The following CYP3A7 variants were observed in gnomAD, a reference collection of about 807,000 sequenced individuals.
CYP3A7 encodes the protein cytochrome P450 3A7.
A neutral mutation model predicts 55.2 loss-of-function variants in CYP3A7; 45 were observed. The ratio of observed to expected loss-of-function variants is 0.82; its 90% CI spans 0.64 to 1.05. The LOEUF (loss-of-function observed/expected upper bound fraction) is 1.05, where lower values mean the gene tolerates loss of function less well. Ranked by LOEUF, CYP3A7 falls within the 50% of genes least tolerant of loss-of-function variation. The pLI is 0.00. For synonymous variants in CYP3A7, 180 were observed against 207.4 expected (o/e 0.87, Z 1.13); for missense variants, 548 against 605.3 (o/e 0.91, Z 0.99).
chr7:99,715,242 A>G (rs1268389555), intron 7 of CYP3A7: 1 of 176,678 alleles, frequency 5.7e-6, no homozygotes, highest in Admixed American at 5.4e-5. Context: ...ATAGGCCAGA[A>G]TGTCATGTTA....
chr7:99,715,474 G>A (rs190898928), intron 7 of CYP3A7: 9 of 419,752 alleles, frequency 2.1e-5, no homozygotes, highest in African/African-American at 1.2e-4. Flanking sequence ...TCATTTCTAT[G>A]AAGTGTCCAG....
chr7:99,711,331 A>G (rs1420021294), intron 9 of CYP3A7, among the ~76,000 whole-genome samples: 1 of 152,220 alleles, frequency 6.6e-6, no homozygotes, highest in Non-Finnish European at 1.5e-5. Flanking sequence ...GAGAATTTGC[A>G]ACATTAATGG....
chr7:99,721,579 G>A lies in CYP3A7; in HGVS notation c.218+717C>T, dbSNP rs1814199438. Among the ~76,000 whole-genome samples the A allele has an allele frequency of 3.3e-5, 5 of 152,290 alleles. No homozygotes were observed. The South Asian group carries it at 1.0e-3, about 32-fold the overall frequency. On this transcript the variant is annotated intron_variant, in intron 3 of 12. Coordinates refer to ENST00000336374, the MANE Select transcript of CYP3A7 (RefSeq NM_000765.5). ...ACAGAACGTGATGCTGGGAGTCCCT[G>A]GGCCACCAAAGCTTGGAGAAAAGTG...
chr7:99,714,722 G>C, intron 7 of CYP3A7, 40 bp from the exon 8 acceptor site: 1 of 1,600,010 alleles, frequency 6.2e-7, no homozygotes, highest in African/African-American at 1.3e-5. Context: ...AAACCATTGT[G>C]AACATACAAA....
chr7:99,705,469 T>C lies in CYP3A7; in HGVS notation c.*31A>G, dbSNP rs1427123699. 1 of 1,610,896 alleles carries C rather than the reference T, an allele frequency of 6.2e-7. No homozygotes were observed. The highest frequency in any genetic ancestry group is 8.5e-7 in the Non-Finnish European group (1 of 1,177,542). On this transcript the variant is annotated 3_prime_UTR_variant, in exon 13 of 13. Coordinates refer to ENST00000336374, the MANE Select transcript of CYP3A7 (RefSeq NM_000765.5). ...TCTGGTGTTCTGGGGCACAGCTTTC[T>C]TAAAGAGCAAACCAGAAGTCCTTAG... is the stretch of plus-strand genomic sequence containing the variant.
In CYP3A7 at chr7:99,735,070, G is replaced by T. The variant is rs759179797; in HGVS notation, c.24C>A (p.Ala8=). ...CAGCCAGGAGAAGCCAGGTTTCCAC[G>T]GCCAAGTTTGGGATGAGATCCATCA... is the stretch of plus-strand genomic sequence containing the variant. MDLIPNL[A]VETWLLLAVS... The change falls in exon 1 of 13, where the codon GCC becomes GCA. Residue 8 remains alanine (A), a synonymous_variant. Coordinates refer to ENST00000336374, the MANE Select transcript of CYP3A7 (RefSeq NM_000765.5). 1.9e-6 allele frequency: 3 copies of T among 1,613,904 alleles called. No individual in the cohort carries two copies. Among genetic ancestry groups the T allele is most frequent in the African/African-American group, 1.3e-5 (1 of 74,910 alleles).
At chr7:99,732,016 T>C (rs1231840139) in intron 1 of CYP3A7, among the ~76,000 whole-genome samples, 1 of 152,190 alleles carries the variant, frequency 6.6e-6, no homozygotes, top group Non-Finnish European at 1.5e-5. Flanking sequence ...GTGCCAGTGA[T>C]ATGATCTGAA....
chr7:99,709,258 G>C lies in CYP3A7; in HGVS notation c.1030C>G (p.Pro344Ala), dbSNP rs1227732649. The change falls in exon 11 of 13, where the codon CCA (proline) becomes GCA (alanine). Residue 344 changes from proline to alanine, a missense_variant. Coordinates refer to ENST00000336374, the MANE Select transcript of CYP3A7 (RefSeq NM_000765.5). Reference sequence around the variant, plus strand: ...TGTAGCACAGTATCATAGGTGGGTGGTGCCTGAAAAGAAAGAAACAGATTT... The same window carrying C: ...TGTAGCACAGTATCATAGGTGGGTGCTGCCTGAAAAGAAAGAAACAGATTT... Reference protein sequence around the residue: ...EIDTVLPNKAPPTYDTVLQLE... With the variant: ...EIDTVLPNKAAPTYDTVLQLE... The C allele has an allele frequency of 1.2e-6, 2 of 1,613,672 alleles. No individual in the cohort carries two copies. Among genetic ancestry groups the C allele is most frequent in the African/African-American group, 2.7e-5 (2 of 75,018 alleles).
At position 99,734,964 on chromosome 7, in the gene CYP3A7, G is replaced by C. The variant is rs529230054; in HGVS notation, c.71+59C>G. The C allele has an allele frequency of 1.9e-6, 3 of 1,610,500 alleles. No individual in the cohort carries two copies. The East Asian group carries it at 6.7e-5, about 36-fold the overall frequency. On this transcript the variant is annotated intron_variant, in intron 1 of 12. Transcript: ENST00000336374. ...TTCAAAACAGATAAGGGAAAGAGAG[G>C]CCTGATTAGCACCCCAAGTCCAAGG...
Position 99,735,061 on chromosome 7 carries a change from G to T in CYP3A7, c.33C>A (p.Thr11=). MDLIPNLAVE[T]WLLLAVSLIL... Reference sequence around the variant, plus strand: ...TCAGGCTGACAGCCAGGAGAAGCCAGGTTTCCACGGCCAAGTTTGGGATGA... The same window carrying T: ...TCAGGCTGACAGCCAGGAGAAGCCATGTTTCCACGGCCAAGTTTGGGATGA... Residue 11 remains threonine, a synonymous_variant, in exon 1 of 13, where the codon ACC becomes ACA. Transcript: ENST00000336374. 1.2e-6 allele frequency: 2 copies of T among 1,614,116 alleles called. No individual in the cohort carries two copies. The highest frequency in any genetic ancestry group is 1.7e-6 in the Non-Finnish European group (2 of 1,179,982).
At chr7:99,711,781 A>ACAC (rs145102165) in intron 9 of CYP3A7, among the ~76,000 whole-genome samples, 2 of 151,212 alleles carry the variant, frequency 1.3e-5, no homozygotes, top group Non-Finnish European at 3.0e-5. Context: ...AAACAAAACA[A>ACAC]AACAACAACA....
chr7:99,728,983 T>C (rs1448819003), intron 2 of CYP3A7, among the ~76,000 whole-genome samples: 1 of 152,204 alleles, frequency 6.6e-6, no homozygotes, highest in Non-Finnish European at 1.5e-5. Context: ...GAGTACTCTA[T>C]ATTTTTAAAT....
At chr7:99,730,803 G>A in intron 2 of CYP3A7, 3 of 459,778 alleles carry the variant, frequency 6.5e-6, no homozygotes, top group South Asian at 2.4e-5. Context: ...CACAAAGTCT[G>A]CACATCAAGT....
intron 6 of CYP3A7, 73 bp downstream of exon 6, chr7:99,717,104 A>T (rs45600842): frequency 6.3e-7 from 1 of 1,595,676 alleles, no homozygotes; most frequent in East Asian, 2.2e-5. Flanking sequence ...CAACAGCGGG[A>T]GTATCAGCTC....
intron 10 of CYP3A7, among the ~76,000 whole-genome samples, chr7:99,709,631 C>T (rs185121534): frequency 9.1e-4 from 138 of 152,184 alleles, no homozygotes; most frequent in Admixed American, 8.0e-3. Context: ...AGAGGTTACA[C>T]GTCTGTAACC....
chr7:99,726,890 G>A (rs145345986), intron 2 of CYP3A7, among the ~76,000 whole-genome samples: 55 of 152,194 alleles, frequency 3.6e-4, no homozygotes, highest in African/African-American at 1.3e-3. Context: ...AAAACACATG[G>A]GGTCTCCCTG....
intron 1 of CYP3A7, among the ~76,000 whole-genome samples, chr7:99,734,368 A>G (rs1324900894): frequency 6.6e-6 from 1 of 152,000 alleles, no homozygotes; most frequent in South Asian, 2.1e-4. Flanking sequence ...GAGAAGATTC[A>G]CCCTCTTCTC....
At chr7:99,726,884 C>G (rs1396205695) in intron 2 of CYP3A7, among the ~76,000 whole-genome samples, 2 of 152,190 alleles carry the variant, frequency 1.3e-5, no homozygotes, top group African/African-American at 2.4e-5. Flanking sequence ...TTCATGAAAA[C>G]ACATGGGGTC....
At chr7:99,710,433 T>G (rs1334929725) in intron 10 of CYP3A7, among the ~76,000 whole-genome samples, 1 of 152,190 alleles carries the variant, frequency 6.6e-6, no homozygotes, top group African/African-American at 2.4e-5. Flanking sequence ...TCAAGACGTG[T>G]GAGCAATATG....
Sources: gnomAD v4.1 joint callset for allele counts (sites outside exome capture counted in the v4.1 genomes callset) on GRCh38, gnomAD v4.1.1 for gene constraint, MANE v1.5 for transcripts, NCBI Gene and HGNC (gene_info 2026-07-23, HGNC 2026-07-21) for gene names.